Variants in PHF2 observed in about 807,000 individuals in gnomAD.
The protein encoded by PHF2 is PHD finger protein 2.
Under a neutral mutation model 120.5 loss-of-function variants are expected in PHF2, and 27 were observed. The ratio of observed to expected loss-of-function variants is 0.22; its 90% confidence interval spans 0.17 to 0.31. The LOEUF (loss-of-function observed/expected upper bound fraction) is 0.31. PHF2 is among the 10% of genes least tolerant of loss of function. The probability of loss-of-function intolerance (pLI) is 1.00; values close to 1 mark genes in which losing one functional copy is unlikely to be tolerated. For missense variants in PHF2, 1,024 were observed against 1,434.8 expected (o/e 0.71, Z 4.63); for synonymous variants, 568 against 592.5 (o/e 0.96, Z 0.60).
intron 1 of PHF2, among the ~76,000 whole-genome samples, chr9:93,619,312 T>G (rs1178126228): frequency 6.6e-6 from 1 of 152,188 alleles, no homozygotes. Context: ...AGCCCATCTC[T>G]TAGGGACCAG....
At chr9:93,657,711 A>G (rs1826485508) in intron 9 of PHF2, among the ~76,000 whole-genome samples, 1 of 152,164 alleles carries the variant, frequency 6.6e-6, no homozygotes, top group Admixed American at 6.5e-5. Flanking sequence ...CACACCTCCC[A>G]GCTGAAATGT....
intron 1 of PHF2, among the ~76,000 whole-genome samples, chr9:93,577,863 G>A (rs1862861247): frequency 6.6e-6 from 1 of 152,182 alleles, no homozygotes; most frequent in African/African-American, 2.4e-5. Flanking sequence ...TGCCCAAACT[G>A]CTCCAACAGG....
At chr9:93,592,669 G>A (rs1825251167) in intron 1 of PHF2, among the ~76,000 whole-genome samples, 2 of 152,136 alleles carry the variant, frequency 1.3e-5, no homozygotes, top group African/African-American at 2.4e-5. Context: ...AGTGACCTGA[G>A]GTGTAACTGG....
intron 1 of PHF2, among the ~76,000 whole-genome samples, chr9:93,583,615 G>A (rs1384607096): frequency 6.6e-6 from 1 of 151,802 alleles, no homozygotes; most frequent in Non-Finnish European, 1.5e-5. Context: ...TGGGTATAAA[G>A]TGGGATTTCC....
In PHF2 at chr9:93,636,260, TG is replaced by T. The variant is rs944719996; in HGVS notation, c.185-146del. 1.3e-5 allele frequency: 8 copies of T among 608,830 alleles called. No homozygotes were observed. The African/African-American group carries it at 1.5e-4, about 11-fold the overall frequency. 37.7% of individuals were successfully genotyped at this position (608,830 alleles called of 1,614,324 possible). On this transcript the variant is annotated intron_variant, in intron 2 of 21. Transcript: ENST00000359246. Reference sequence around the variant, plus strand: ...ACTCCTCCCTATGTGCATGGCAGGGTGGGGGTGTCATCAGTCTTGAGAGGTG... The same window carrying T: ...ACTCCTCCCTATGTGCATGGCAGGGTGGGGTGTCATCAGTCTTGAGAGGTG...
intron 1 of PHF2, among the ~76,000 whole-genome samples, chr9:93,608,315 A>G (rs944597864): frequency 3.3e-5 from 4 of 120,408 alleles, no homozygotes; most frequent in Admixed American, 8.8e-5. Flanking sequence ...AGATTGAGAC[A>G]CTGTCTCATA....
In PHF2 at chr9:93,662,998, G is replaced by A. The variant is rs759755256; in HGVS notation, c.1790G>A (p.Ser597Asn). Residue 597 changes from serine to asparagine, a missense_variant, in exon 13 of 22, where the codon AGC becomes AAC. Physicochemically the swap from Ser to Asn is conservative, Grantham distance 46. This residue lies in a region of PHF2 where 677 missense variants were observed against 857.4 expected (regional missense o/e 0.79). Coordinates refer to ENST00000359246, the MANE Select transcript of PHF2 (RefSeq NM_005392.4). ...ERLEIREQTK[S>N]KSEAKWKYKN... is the part of the protein sequence containing the mutation. ...CTGGAAATTCGAGAGCAAACCAAGA[G>A]CAAGTCAGAGGCCAAGTGGAAGTAC... 3.1e-6 allele frequency: 5 copies of A among 1,614,014 alleles called. No homozygotes were observed. Among genetic ancestry groups the A allele is most frequent in the Non-Finnish European group, 4.2e-6 (5 of 1,180,016 alleles).
intron 2 of PHF2, among the ~76,000 whole-genome samples, chr9:93,635,672 G>A (rs115283500): frequency 1.3e-5 from 2 of 152,204 alleles, no homozygotes; most frequent in Admixed American, 1.3e-4. Context: ...TCCAGTAGGG[G>A]TGTGTGCATG....
At chr9:93,670,992 C>T in intron 17 of PHF2, 1 of 984,266 alleles carries the variant, frequency 1.0e-6, no homozygotes, top group South Asian at 4.7e-5. Flanking sequence ...TGTGTCTGTT[C>T]AGGTGCAGAT....
rs7019081 is a variant in PHF2 at position 93,646,932 on chromosome 9, G to A, written c.460+1143G>A. 8.3e-3 allele frequency among the ~76,000 whole-genome samples: 1,268 copies of A among 152,332 alleles called. 19 individuals carry two copies. The highest frequency in any genetic ancestry group is 0.028 in the African/African-American group (1,184 of 41,558). On this transcript the variant is annotated intron_variant, in intron 4 of 21. Transcript: ENST00000359246. ...ATTCTGTGGGGTTCTTACTGAGGAG[G>A]AGGGCAGGCTGGACATAGTTGGAGC...
At chr9:93,675,055 G>A in intron 19 of PHF2, 33 bp downstream of exon 19, 1 of 1,527,390 alleles carries the variant, frequency 6.5e-7, no homozygotes, top group Non-Finnish European at 9.1e-7. Context: ...GGGTCCACCT[G>A]ACACCCAGTG....
intron 1 of PHF2, among the ~76,000 whole-genome samples, chr9:93,623,082 G>T (rs1284224814): frequency 6.6e-6 from 1 of 152,172 alleles, no homozygotes; most frequent in Non-Finnish European, 1.5e-5. Flanking sequence ...GCCAGGTGAG[G>T]GTGTGGACAT....
intron 1 of PHF2, among the ~76,000 whole-genome samples, chr9:93,619,965 G>A (rs1825798907): frequency 6.6e-6 from 1 of 152,208 alleles, no homozygotes; most frequent in Non-Finnish European, 1.5e-5. Context: ...TCTGCCCTGA[G>A]TTTTTGGAGA....
intron 1 of PHF2, among the ~76,000 whole-genome samples, chr9:93,618,847 T>C (rs1237088767): frequency 9.4e-4 from 1 of 1,068 alleles, no homozygotes; most frequent in African/African-American, 2.8e-3. Context: ...TGTGTGTGTG[T>C]GCCTGTGTGT....
intron 1 of PHF2, among the ~76,000 whole-genome samples, chr9:93,629,357 T>G (rs550494599): frequency 6.4e-4 from 98 of 152,302 alleles, no homozygotes; most frequent in African/African-American, 2.3e-3. Context: ...AGCCCGACCA[T>G]CTGCATAGGA....
intron 3 of PHF2, among the ~76,000 whole-genome samples, chr9:93,636,902 G>A (rs10992819): frequency 0.35 from 52,587 of 151,918 alleles, 9,450 homozygotes; most frequent in Non-Finnish European, 0.39. Flanking sequence ...CCAGGCAGGC[G>A]TTGTCCTCAT....
intron 2 of PHF2, among the ~76,000 whole-genome samples, chr9:93,634,270 G>T (rs1367774122): frequency 6.6e-6 from 1 of 152,160 alleles, no homozygotes; most frequent in Non-Finnish European, 1.5e-5. Context: ...CCAGCAGGAG[G>T]GTGATGGTAT....
At chr9:93,653,121 AG>A in intron 5 of PHF2, 57 bp from the exon 6 acceptor site, 6 of 1,505,084 alleles carry the variant, frequency 4.0e-6, no homozygotes, top group Non-Finnish European at 5.5e-6. Context: ...TTCCCACTGC[AG>A]GGGAAATAAA....
intron 1 of PHF2, among the ~76,000 whole-genome samples, chr9:93,602,198 T>C (rs1180403102): frequency 6.6e-6 from 1 of 151,876 alleles, no homozygotes; most frequent in Non-Finnish European, 1.5e-5. Context: ...AGTATGTAAA[T>C]TGTTCGTTGA....
Sources: allele counts gnomAD v4.1 joint callset (sites outside exome capture counted in the v4.1 genomes callset), GRCh38; gene constraint gnomAD v4.1.1; regional missense constraint gnomAD v4.1.1; transcripts MANE v1.5; gene names NCBI Gene and HGNC (gene_info 2026-07-23, HGNC 2026-07-21).